GALNT18: variants seen among roughly 807,000 people sequenced by gnomAD.
The protein encoded by GALNT18 is GalNAc-transferase 18.
In GALNT18, 44 loss-of-function variants were observed where a neutral mutation model predicts 69.5. The observed-to-expected ratio is 0.63, with a 90% confidence interval of 0.50 to 0.81. GALNT18 has a LOEUF of 0.81. Ranked by LOEUF, GALNT18 falls within the 40% of genes least tolerant of loss-of-function variation. The pLI is 0.00. For synonymous variants in GALNT18, 364 were observed against 318.2 expected (o/e 1.14, Z -1.53); for missense variants, 715 against 810.0 (o/e 0.88, Z 1.42).
In GALNT18 at chr11:11,543,610, G is replaced by GGGCCT; in HGVS notation, c.235+77744_235+77748dup. 6.6e-6 allele frequency among the ~76,000 whole-genome samples: 1 copy of GGGCCT among 152,336 alleles called. No homozygotes were observed. The highest frequency in any genetic ancestry group is 1.9e-4 in the East Asian group (1 of 5,178). On this transcript the variant is annotated intron_variant, in intron 1 of 10. Transcript: ENST00000227756. The surrounding 1 kb of genome is among the most constrained non-coding windows in gnomAD (Gnocchi z 5.1). Reference sequence around the variant, plus strand: ...GCAGGGCTGCATGGAACGGCAGAAAGGGCCTGGCTTCAGTGCCCAGCACAT... The same window carrying GGGCCT: ...GCAGGGCTGCATGGAACGGCAGAAAGGGCCTGGCCTGGCTTCAGTGCCCAGCACAT...
chr11:11,529,636 TATACAC>T (rs1221075838), intron 1 of GALNT18, among the ~76,000 whole-genome samples: 16 of 141,360 alleles, frequency 1.1e-4, no homozygotes, highest in Admixed American at 5.7e-4. Context: ...TATATATATA[TATACAC>T]ACACACACAC....
At chr11:11,416,919 G>T (rs1276488026) in intron 3 of GALNT18, among the ~76,000 whole-genome samples, 1 of 152,218 alleles carries the variant, frequency 6.6e-6, no homozygotes. Flanking sequence ...CCTTGCTCCT[G>T]GGCAGAGTCC....
chr11:11,490,590 C>T (rs1015824617), intron 1 of GALNT18, among the ~76,000 whole-genome samples: 5 of 152,236 alleles, frequency 3.3e-5, no homozygotes, highest in Middle Eastern at 3.4e-3. Flanking sequence ...GAGCACTCAG[C>T]CCAGTCCAGG....
rs1253991525 is a variant in GALNT18, at chr11:11,446,307, T to C, written c.428+2437A>G. On this transcript the variant is annotated intron_variant, in intron 2 of 10. Transcript: ENST00000227756. ...TTGTTGTTATAACCAGGTTATAATC[T>C]GTAAAATCCACCCTTTCCTTGGCTT... 2.6e-4 allele frequency among the ~76,000 whole-genome samples: 40 copies of C among 152,250 alleles called. 1 individual carries two copies. The highest frequency in any genetic ancestry group is 2.6e-3 in the Admixed American group (40 of 15,292).
chr11:11,434,870 T>C (rs929853500), intron 2 of GALNT18, among the ~76,000 whole-genome samples: 1 of 152,212 alleles, frequency 6.6e-6, no homozygotes, highest in African/African-American at 2.4e-5. Flanking sequence ...AAAAGATTTA[T>C]GGTTGACAGT....
rs142311758 is a variant in GALNT18, at chr11:11,419,619, A to G, written c.595+13002T>C. 1.1e-3 allele frequency among the ~76,000 whole-genome samples: 140 copies of G among 128,428 alleles called. 2 individuals are homozygous for G. The highest frequency in any genetic ancestry group is 7.8e-3 in the Middle Eastern group (2 of 256). 84.3% of individuals were successfully genotyped at this position (128,428 alleles called of 152,430 possible). On this transcript the variant is annotated intron_variant, in intron 3 of 10. Coordinates refer to ENST00000227756, the MANE Select transcript of GALNT18 (RefSeq NM_198516.3). ...CTCAAAAAAAAAAAAAAAAAAAAAAAAAAGAAAGAAGGAAAAGAAACCATG... is the reference window on the plus strand; with the variant it reads ...CTCAAAAAAAAAAAAAAAAAAAAAAGAAAGAAAGAAGGAAAAGAAACCATG...
chr11:11,339,885 A>T lies in GALNT18; in HGVS notation c.1278+934T>A, dbSNP rs561952539. ...TAGCTTGGTGTAGAGTTTAGGTAAC[A>T]GGGCTTTCATATGATCACTTTGAGC... is the stretch of plus-strand genomic sequence containing the variant. On this transcript the variant is annotated intron_variant, in intron 7 of 10. Coordinates refer to ENST00000227756, the MANE Select transcript of GALNT18 (RefSeq NM_198516.3). This position sits in a 1 kb window ranked among gnomAD's most constrained non-coding sequence, Gnocchi z 5.2. Among the ~76,000 whole-genome samples, 1 of 152,258 alleles carries T rather than the reference A, an allele frequency of 6.6e-6. No individual in the cohort carries two copies. The highest frequency in any genetic ancestry group is 2.1e-4 in the South Asian group (1 of 4,822).
chr11:11,456,519 T>G (rs934623667), intron 1 of GALNT18, among the ~76,000 whole-genome samples: 5 of 152,224 alleles, frequency 3.3e-5, no homozygotes, highest in African/African-American at 1.2e-4. Context: ...GCTCTGGCCC[T>G]TTTCTTGGAA....
Position 11,326,483 on chromosome 11 carries a change from C to T in GALNT18, c.1512+603G>A, listed in dbSNP as rs563061484. Among the ~76,000 whole-genome samples the T allele has an allele frequency of 1.8e-4, 27 of 152,312 alleles. No homozygotes were observed. In the East Asian group the frequency reaches 4.8e-3, roughly 27 times the overall value. ...TTTGTTCAACGAACCATTTATCTTGCCTGTGTCTTGGCATCCTCTTTGAGT... is the reference window on the plus strand; with the variant it reads ...TTTGTTCAACGAACCATTTATCTTGTCTGTGTCTTGGCATCCTCTTTGAGT... On this transcript the variant is annotated intron_variant, in intron 9 of 10. Transcript: ENST00000227756.
rs147165629 is a variant in GALNT18, at chr11:11,494,087, T to C, written c.236-45151A>G. Among the ~76,000 whole-genome samples, 240 of 152,288 alleles carry C rather than the reference T, an allele frequency of 1.6e-3. No individual in the cohort carries two copies. The highest frequency in any genetic ancestry group is 5.5e-3 in the African/African-American group (229 of 41,558). ...CTGCTGCAAGGATTTAGTGAAGCCATGCATATAAAGAACTTAGCACAGTAC... is the reference window on the plus strand; with the variant it reads ...CTGCTGCAAGGATTTAGTGAAGCCACGCATATAAAGAACTTAGCACAGTAC... On this transcript the variant is annotated intron_variant, in intron 1 of 10. Transcript: ENST00000227756. The surrounding 1 kb of genome is among the most constrained non-coding windows in gnomAD (Gnocchi z 5.7).
rs756402810 is a variant in GALNT18 at position 11,480,422 on chromosome 11, T to A, written c.236-31486A>T. 5.9e-5 allele frequency among the ~76,000 whole-genome samples: 9 copies of A among 152,190 alleles called. No homozygotes were observed. The highest frequency in any genetic ancestry group is 8.8e-5 in the Non-Finnish European group (6 of 68,036). On this transcript the variant is annotated intron_variant, in intron 1 of 10. Transcript: ENST00000227756. This position sits in a 1 kb window ranked among gnomAD's most constrained non-coding sequence, Gnocchi z 4.6. The stretch of plus-strand genomic sequence containing the variant: ...ATTCATTCTCAGTTATCTGTCCATC[T>A]TCCTCTGGCCTAATGGTCTGAATTG...
chr11:11,308,687 T>TA lies in GALNT18; in HGVS notation c.1513-15495dup, dbSNP rs576123052. Reference sequence around the variant, plus strand: ...ACACCTCCACTCTTCCACCCTAGTGTAAAAAACATCTCCTCTGTAAGAATC... The same window carrying TA: ...ACACCTCCACTCTTCCACCCTAGTGTAAAAAAACATCTCCTCTGTAAGAATC... On this transcript the variant is annotated intron_variant, in intron 9 of 10. Transcript: ENST00000227756. Among the ~76,000 whole-genome samples the TA allele has an allele frequency of 2.0e-3, 297 of 152,242 alleles. 3 individuals carry two copies. Among genetic ancestry groups the TA allele is most frequent in the Non-Finnish European group, 1.2e-3 (83 of 68,020 alleles).
At position 11,462,452 on chromosome 11, in the gene GALNT18, T is replaced by G. The variant is rs141668501; in HGVS notation, c.236-13516A>C. On this transcript the variant is annotated intron_variant, in intron 1 of 10. Transcript: ENST00000227756. ...CCACCACACCCGGCTAATTTTTTAT[T>G]TATTTATTTTTTATTTTTTTAGTAG... Among the ~76,000 whole-genome samples, 695 of 151,852 alleles carry G rather than the reference T, an allele frequency of 4.6e-3. 4 individuals carry two copies. The highest frequency in any genetic ancestry group is 0.016 in the African/African-American group (651 of 41,404).
chr11:11,550,946 G>A (rs1344045822), intron 1 of GALNT18, among the ~76,000 whole-genome samples: 1 of 152,172 alleles, frequency 6.6e-6, no homozygotes. Context: ...AAGCAGCATG[G>A]AGAGGAAGAG....
intron 8 of GALNT18, among the ~76,000 whole-genome samples, chr11:11,329,726 C>G: frequency 6.6e-6 from 1 of 152,158 alleles, no homozygotes; most frequent in East Asian, 1.9e-4. Flanking sequence ...AGGAGACAGT[C>G]AACACTCGTG....
chr11:11,609,471 T>A (rs149080637), intron 1 of GALNT18, among the ~76,000 whole-genome samples: 4 of 152,254 alleles, frequency 2.6e-5, no homozygotes, highest in African/African-American at 7.2e-5. Flanking sequence ...CCTGACCACC[T>A]CCTCATGTAA....
At chr11:11,460,708 T>C (rs1467147327) in intron 1 of GALNT18, among the ~76,000 whole-genome samples, 1 of 152,210 alleles carries the variant, frequency 6.6e-6, no homozygotes, top group African/African-American at 2.4e-5. Context: ...GGAATCATTA[T>C]AGTGTCCAAC....
chr11:11,340,980 C>T lies in GALNT18; in HGVS notation c.1117G>A (p.Glu373Lys). Residue 373 changes from glutamate (E) to lysine (K), a missense_variant, in exon 7 of 11, where the codon GAG (glutamate) becomes AAG (lysine). Transcript: ENST00000227756. This position sits in a 1 kb window ranked among gnomAD's most constrained non-coding sequence, Gnocchi z 4.2. ...IRVWQCGGSV[E>K]VLPCSRIAHI... ...GCAATCCGTGAGCAGGGCAGGACCT[C>T]CACACTCCCGCCACACTGCCACACC... 1 of 1,603,360 alleles carries T rather than the reference C, an allele frequency of 6.2e-7. No individual in the cohort carries two copies. The highest frequency in any genetic ancestry group is 8.5e-7 in the Non-Finnish European group (1 of 1,173,352).
intron 9 of GALNT18, among the ~76,000 whole-genome samples, chr11:11,302,991 G>A (rs1590022472): frequency 6.6e-6 from 1 of 152,192 alleles, no homozygotes; most frequent in East Asian, 1.9e-4. Context: ...GTGACTCCTG[G>A]AAAACCCATC....
Sources: allele counts gnomAD v4.1 joint callset (sites outside exome capture counted in the v4.1 genomes callset), GRCh38; gene constraint gnomAD v4.1.1; non-coding constraint Gnocchi (gnomAD v3.1); transcripts MANE v1.5; gene names NCBI Gene and HGNC (gene_info 2026-07-23, HGNC 2026-07-21).